Variants in PATJ observed in about 807,000 individuals in gnomAD.
PATJ encodes PATJ crumbs cell polarity complex component, also known as inaD-like protein.
Under a neutral mutation model 224.9 loss-of-function variants are expected in PATJ, and 190 were observed. The ratio of observed to expected loss-of-function variants is 0.84; its 90% CI spans 0.75 to 0.95. The LOEUF is 0.95. Among genes scored for constraint, PATJ ranks in the 40% least tolerant of loss-of-function variants. PATJ has a pLI of 0.00. For missense variants in PATJ, 2,121 were observed against 2,270.3 expected, an observed-to-expected ratio of 0.93 and a Z score of 1.34; for synonymous variants, 769 against 820.3, an observed-to-expected ratio of 0.94 and a Z score of 1.07.
chr1:61,937,641 T>G (rs540645090), intron 27 of PATJ, among the ~76,000 whole-genome samples: 6 of 128,218 alleles, frequency 4.7e-5, no homozygotes, highest in Non-Finnish European at 6.3e-5. Flanking sequence ...GACGAGGGAC[T>G]TTCTTCTTCT....
intron 17 of PATJ, among the ~76,000 whole-genome samples, chr1:61,841,152 T>C (rs895188364): frequency 6.6e-6 from 1 of 152,184 alleles, no homozygotes; most frequent in Non-Finnish European, 1.5e-5. Context: ...TTTCTATTTC[T>C]TCCACTTAAT....
intron 39 of PATJ, among the ~76,000 whole-genome samples, chr1:62,123,723 T>C (rs111628602): frequency 0.084 from 10,839 of 129,224 alleles, 1,497 homozygotes; most frequent in East Asian, 0.61. Context: ...GTGATCCACC[T>C]GCCTTGGCCT....
intron 33 of PATJ, among the ~76,000 whole-genome samples, chr1:62,087,921 C>T (rs1660225804): frequency 1.4e-5 from 2 of 144,550 alleles, no homozygotes; most frequent in South Asian, 2.2e-4. Context: ...GACGGAGTTT[C>T]GCTCTCCTTG....
chr1:61,985,112 G>C (rs1644675459), intron 27 of PATJ, among the ~76,000 whole-genome samples: 1 of 152,060 alleles, frequency 6.6e-6, no homozygotes, highest in African/African-American at 2.4e-5. Flanking sequence ...AAGAGATCAA[G>C]ACCATCTTGG....
Position 62,161,126 on chromosome 1 carries a change from A to G in PATJ, c.*72A>G. On this transcript the variant is annotated 3_prime_UTR_variant, in exon 44 of 44. Transcript: ENST00000642238. ...CAGGCAGATGAAGTTCTGAGTGGGT[A>G]TGAAAAGCACCCTCAACTAAAATGC... 2 of 1,242,198 alleles carry G rather than the reference A, an allele frequency of 1.6e-6. No individual in the cohort carries two copies. The highest frequency in any genetic ancestry group is 2.7e-5 in the East Asian group (1 of 36,594). The allele number at this position is 1,242,198 out of a possible 1,614,324, so 76.9% of individuals were successfully genotyped here.
At chr1:62,056,102 A>G (rs1654486921) in intron 31 of PATJ, among the ~76,000 whole-genome samples, 1 of 152,134 alleles carries the variant, frequency 6.6e-6, no homozygotes, top group Non-Finnish European at 1.5e-5. Context: ...GCCTTGCCCA[A>G]ACTGGATGAG....
intron 28 of PATJ, chr1:61,991,450 A>G: frequency 3.1e-6 from 3 of 970,724 alleles, no homozygotes; most frequent in Non-Finnish European, 2.4e-6. Context: ...ATGAAGGCTT[A>G]CTGATTTTGC....
chr1:61,864,584 C>A lies in PATJ; in HGVS notation c.2786C>A (p.Thr929Asn), dbSNP rs763935025. Residue 929 changes from threonine to asparagine, a missense_variant, in exon 20 of 44, where the codon ACT (threonine) becomes AAT (asparagine). Physicochemically the swap from Thr to Asn is moderately conservative, Grantham distance 65. Coordinates refer to ENST00000642238, the MANE Select transcript of PATJ (RefSeq NM_001350145.3). ...SESQEARTGRTVYSQEAQPYG... is the reference protein window; with the variant it reads ...SESQEARTGRNVYSQEAQPYG... The stretch of plus-strand genomic sequence containing the variant: ...TCTCAAGAGGCAAGAACCGGGAGGA[C>A]TGTCTATTCCCAGGAGGCACAGCCG... 1.4e-5 allele frequency: 23 copies of A among 1,608,150 alleles called. No homozygotes were observed. The highest frequency in any genetic ancestry group is 1.6e-5 in the Non-Finnish European group (19 of 1,178,206).
intron 11 of PATJ, 27 bp downstream of exon 11, chr1:61,797,455 C>A: frequency 6.3e-7 from 1 of 1,582,678 alleles, no homozygotes; most frequent in Non-Finnish European, 8.7e-7. Context: ...CCCTCTATCC[C>A]TCAAGTAGTT....
chr1:61,803,553 G>A (rs914834532), intron 12 of PATJ, among the ~76,000 whole-genome samples: 2 of 152,050 alleles, frequency 1.3e-5, no homozygotes, highest in Non-Finnish European at 2.9e-5. Flanking sequence ...GATGGTTCAC[G>A]AAAGAGGAAT....
chr1:61,813,095 C>T (rs923643248), intron 14 of PATJ, among the ~76,000 whole-genome samples: 5 of 151,778 alleles, frequency 3.3e-5, no homozygotes, highest in African/African-American at 9.7e-5. Context: ...CCATTCATCA[C>T]GTGGTTCAGC....
At chr1:61,773,342 T>G (rs1374255856) in intron 6 of PATJ, among the ~76,000 whole-genome samples, 1 of 152,106 alleles carries the variant, frequency 6.6e-6, no homozygotes, top group Non-Finnish European at 1.5e-5. Flanking sequence ...GCTTTTTATT[T>G]AAGACTGCAT....
intron 39 of PATJ, among the ~76,000 whole-genome samples, chr1:62,126,775 G>A (rs1159447141): frequency 2.0e-5 from 3 of 152,182 alleles, no homozygotes; most frequent in Non-Finnish European, 4.4e-5. Flanking sequence ...CACCATATGA[G>A]AACATACTTG....
chr1:62,062,065 C>G lies in PATJ; in HGVS notation c.4125+11007C>G, dbSNP rs1403669278. ...GCAATCAACATATGAATGCAGGTGT[C>G]TTTCTGGTAGAATAACTTATTTTCC... On this transcript the variant is annotated intron_variant, in intron 31 of 43. Transcript: ENST00000642238. Among the ~76,000 whole-genome samples the G allele has an allele frequency of 2.6e-5, 4 of 152,304 alleles. 1 individual carries two copies. In the East Asian group the frequency reaches 7.7e-4, roughly 29 times the overall value.
At chr1:61,891,204 T>C (rs1281856438) in intron 22 of PATJ, among the ~76,000 whole-genome samples, 2 of 152,182 alleles carry the variant, frequency 1.3e-5, no homozygotes, top group Non-Finnish European at 2.9e-5. Flanking sequence ...CTTCAGGTAT[T>C]GGACACTTTG....
intron 32 of PATJ, among the ~76,000 whole-genome samples, chr1:62,080,916 T>TA (rs1659192233): frequency 6.6e-6 from 1 of 152,174 alleles, no homozygotes; most frequent in African/African-American, 2.4e-5. Flanking sequence ...GTCTACAAGC[T>TA]AAAAAAGGTG....
intron 24 of PATJ, among the ~76,000 whole-genome samples, chr1:61,902,147 G>T (rs1227220539): frequency 1.3e-5 from 2 of 151,900 alleles, no homozygotes. Context: ...CTGGAACCCT[G>T]GAGGTGGGGG....
intron 43 of PATJ, among the ~76,000 whole-genome samples, chr1:62,156,904 A>C (rs1310445282): frequency 6.6e-6 from 1 of 151,204 alleles, no homozygotes; most frequent in Non-Finnish European, 1.5e-5. Context: ...CAACAGAATA[A>C]GTCCCTGTCA....
intron 31 of PATJ, among the ~76,000 whole-genome samples, chr1:62,068,364 G>A (rs535115981): frequency 2.6e-5 from 4 of 152,334 alleles, no homozygotes; most frequent in South Asian, 4.1e-4. Context: ...CAGGCAGCGT[G>A]TGGTTGACAC....
Sources: allele counts gnomAD v4.1 joint callset (sites outside exome capture counted in the v4.1 genomes callset), GRCh38; gene constraint gnomAD v4.1.1; transcripts MANE v1.5; gene names NCBI Gene and HGNC (gene_info 2026-07-23, HGNC 2026-07-21).